FYN: variants seen among roughly 807,000 people sequenced by gnomAD.
FYN encodes the protein FYN proto-oncogene, Src family tyrosine kinase.
A neutral mutation model predicts 70.2 loss-of-function variants in FYN; 10 were observed. The observed-to-expected ratio is 0.14, with a 90% confidence interval of 0.09 to 0.24. FYN has a LOEUF of 0.24. Ranked by LOEUF, FYN falls within the 10% of genes least tolerant of loss-of-function variation. The probability of loss-of-function intolerance (pLI) is 1.00; values close to 1 mark genes in which losing one functional copy is unlikely to be tolerated. For synonymous variants in FYN, 236 were observed against 248.6 expected (o/e 0.95, Z 0.48); for missense variants, 319 against 673.1 (o/e 0.47, Z 5.82).
chr6:111,747,716 A>G (rs1309121488), intron 3 of FYN, among the ~76,000 whole-genome samples: 1 of 152,236 alleles, frequency 6.6e-6, no homozygotes, highest in Non-Finnish European at 1.5e-5. Context: ...GCCGGATTCA[A>G]TTCCAAGAAT....
intron 3 of FYN, among the ~76,000 whole-genome samples, chr6:111,760,504 T>C (rs910687346): frequency 3.9e-5 from 6 of 152,184 alleles, no homozygotes; most frequent in Non-Finnish European, 8.8e-5. Context: ...AAATTTAATG[T>C]GTGTTATGCA....
intron 3 of FYN, among the ~76,000 whole-genome samples, chr6:111,768,393 T>C (rs1483513822): frequency 6.6e-6 from 1 of 152,234 alleles, no homozygotes; most frequent in African/African-American, 2.4e-5. Context: ...CTCCTCATGG[T>C]AGGGAAAGTC....
At chr6:111,673,543 C>A (rs369053726) in intron 13 of FYN, among the ~76,000 whole-genome samples, 63 of 151,096 alleles carry the variant, frequency 4.2e-4, no homozygotes, top group African/African-American at 1.5e-3. Context: ...GCTCCTCTGA[C>A]TGCAAAGCTA....
chr6:111,729,612 G>C (rs567527707), intron 3 of FYN, among the ~76,000 whole-genome samples: 20 of 152,270 alleles, frequency 1.3e-4, no homozygotes, highest in African/African-American at 4.8e-4. Flanking sequence ...AAACTTGTTA[G>C]TTGTTTAGCA....
chr6:111,734,074 G>A (rs1038400521), intron 3 of FYN, among the ~76,000 whole-genome samples: 5 of 152,104 alleles, frequency 3.3e-5, no homozygotes, highest in Admixed American at 6.5e-5. Flanking sequence ...GTGACAGAGT[G>A]AGACCCTGTC....
rs78556956 is a variant in FYN, at chr6:111,746,087, T to C, written c.-11-26025A>G. ...ACCTGGTAGCTGTCTTTCAAGAAAA[T>C]AGTTCATAAGTGAAAGAGAATTTCT... is the stretch of plus-strand genomic sequence containing the variant. On this transcript the variant is annotated intron_variant, in intron 3 of 13. Transcript: ENST00000354650. Among the ~76,000 whole-genome samples the C allele has an allele frequency of 3.7e-3, 567 of 152,308 alleles. 4 individuals are homozygous for C. Among genetic ancestry groups the C allele is most frequent in the Non-Finnish European group, 5.2e-3 (357 of 68,018 alleles).
At chr6:111,830,906 G>T (rs1772996208) in intron 2 of FYN, among the ~76,000 whole-genome samples, 1 of 138,240 alleles carries the variant, frequency 7.2e-6, no homozygotes, top group Non-Finnish European at 1.5e-5. Context: ...AGATGGATTT[G>T]TAGACATTGT....
At chr6:111,728,369 A>T (rs1358857781) in intron 3 of FYN, among the ~76,000 whole-genome samples, 1 of 152,224 alleles carries the variant, frequency 6.6e-6, no homozygotes, top group African/African-American at 2.4e-5. Flanking sequence ...CATATACCAT[A>T]AAATTCACCC....
intron 3 of FYN, among the ~76,000 whole-genome samples, chr6:111,777,543 A>G (rs1770999332): frequency 6.6e-6 from 1 of 152,064 alleles, no homozygotes; most frequent in South Asian, 2.1e-4. Flanking sequence ...TCTGGCTTCC[A>G]CCCACTAGAT....
At chr6:111,752,626 C>T (rs1034007463) in intron 3 of FYN, among the ~76,000 whole-genome samples, 3 of 152,132 alleles carry the variant, frequency 2.0e-5, no homozygotes, top group Admixed American at 6.5e-5. Flanking sequence ...GACAAGTCCA[C>T]CAGGTGGAAT....
intron 3 of FYN, among the ~76,000 whole-genome samples, chr6:111,766,370 AAC>A (rs750122225): frequency 1.3e-5 from 2 of 152,146 alleles, no homozygotes; most frequent in Non-Finnish European, 2.9e-5. Context: ...TGGCTATCTT[AAC>A]AGAGCCTGGA....
chr6:111,737,059 T>G (rs762227724), intron 3 of FYN, among the ~76,000 whole-genome samples: 93 of 152,240 alleles, frequency 6.1e-4, no homozygotes, highest in Non-Finnish European at 9.4e-4. Flanking sequence ...TTGTCACTAT[T>G]TGTTTTGTGC....
chr6:111,661,883 G>C lies in FYN; in HGVS notation c.1470C>G (p.Asp490Glu). Residue 490 changes from aspartate to glutamate, a missense_variant, in exon 14 of 14, where the codon GAC becomes GAG. Physicochemically the swap from Asp to Glu is conservative, Grantham distance 45. Around this residue, in one of 4 missense-constraint regions of FYN, gnomAD observed 64 missense variants for 223.0 expected, o/e 0.29. Transcript: ENST00000354650. The surrounding 1 kb of genome is among the most constrained non-coding windows in gnomAD (Gnocchi z 4.0). ...TGAGCTCATGCAGAGAGATGGGGCAGTCCTGCGGGCAGGGCATCCTGTAGC... is the reference window on the plus strand; with the variant it reads ...TGAGCTCATGCAGAGAGATGGGGCACTCCTGCGGGCAGGGCATCCTGTAGC... ...ERGYRMPCPQ[D>E]CPISLHELMI... 1 of 1,614,150 alleles carries C rather than the reference G, an allele frequency of 6.2e-7. No homozygotes were observed. Among genetic ancestry groups the C allele is most frequent in the Non-Finnish European group, 8.5e-7 (1 of 1,179,998 alleles).
At chr6:111,727,608 T>C (rs998306756) in intron 3 of FYN, among the ~76,000 whole-genome samples, 11 of 152,118 alleles carry the variant, frequency 7.2e-5, no homozygotes, top group African/African-American at 2.7e-4. Context: ...CCACATGCAA[T>C]CATGGGAGAA....
chr6:111,687,720 T>C (rs780630376), intron 12 of FYN, among the ~76,000 whole-genome samples: 5 of 152,148 alleles, frequency 3.3e-5, no homozygotes, highest in Non-Finnish European at 7.3e-5. Context: ...TTACTACTAC[T>C]GCCAACTACC....
intron 2 of FYN, among the ~76,000 whole-genome samples, chr6:111,815,601 T>C (rs186832747): frequency 5.3e-5 from 8 of 152,184 alleles, no homozygotes; most frequent in Non-Finnish European, 8.8e-5. Flanking sequence ...GTAAAATATA[T>C]AACTAGAGGA....
Position 111,702,909 on chromosome 6 carries a change from G to T in FYN, c.673C>A (p.Gln225Lys). The T allele has an allele frequency of 6.2e-7, 1 of 1,614,160 alleles. No homozygotes were observed. Among genetic ancestry groups the T allele is most frequent in the Middle Eastern group, 1.6e-4 (1 of 6,062 alleles). The change falls in exon 8 of 14, where the codon CAG becomes AAG. Residue 225 changes from glutamine (Q) to lysine (K), a missense_variant. Physicochemically the swap from Gln to Lys is moderately conservative, Grantham distance 53. This residue lies in a region of FYN where 112 missense variants were observed against 250.2 expected (regional missense o/e 0.45). Transcript: ENST00000354650. ...ITTRAQFETLQQLVQHYSERA... is the reference protein window; with the variant it reads ...ITTRAQFETLKQLVQHYSERA... The stretch of plus-strand genomic sequence containing the variant: ...CCTGAGTAATGTTGTACAAGCTGCT[G>T]AAGTGTTTCAAACTGGGCCCGGGTG...
intron 5 of FYN, 52 bp downstream of exon 5, chr6:111,714,295 C>T (rs998164070): frequency 9.9e-5 from 119 of 1,200,320 alleles, no homozygotes; most frequent in Non-Finnish European, 1.0e-4. Flanking sequence ...AAATGCAAGA[C>T]CCCTTCCCAA....
intron 2 of FYN, among the ~76,000 whole-genome samples, chr6:111,841,417 AAGAG>A (rs1773353559): frequency 6.6e-6 from 1 of 152,208 alleles, no homozygotes; most frequent in Non-Finnish European, 1.5e-5. Flanking sequence ...GCTTCAGGAC[AAGAG>A]AGCATCCACA....
Sources: gnomAD v4.1 joint callset for allele counts (sites outside exome capture counted in the v4.1 genomes callset) on GRCh38, gnomAD v4.1.1 for gene constraint, gnomAD v4.1.1 regional missense constraint, Gnocchi (gnomAD v3.1) non-coding constraint, MANE v1.5 for transcripts, NCBI Gene and HGNC (gene_info 2026-07-23, HGNC 2026-07-21) for gene names.